Variants in SLC25A26 observed in about 807,000 individuals in gnomAD.
The protein encoded by SLC25A26 is solute carrier family 25 member 26.
A neutral mutation model predicts 37.8 loss-of-function variants in SLC25A26; 36 were observed. That is an observed-to-expected ratio of 0.95 (90% CI 0.73 to 1.26). The LOEUF is 1.26. SLC25A26 is among the 50% of genes most tolerant of loss of function. SLC25A26 has a pLI of 0.00. For missense variants in SLC25A26, 390 were observed against 331.1 expected, an observed-to-expected ratio of 1.18 and a Z score of -1.38; for synonymous variants, 129 against 122.5, an observed-to-expected ratio of 1.05 and a Z score of -0.35.
chr3:66,195,008 C>T lies in SLC25A26; in HGVS notation c.-353-25734C>T, dbSNP rs2071020946. On this transcript the variant is annotated intron_variant, in intron 1 of 10. Coordinates refer to the SLC25A26 transcript ENST00000676754. ...TGGTGGGGAAGGGAGGGAGGTGAAA[C>T]AGAGCTGTCTGCCCACCCCAATCCC... Among the ~76,000 whole-genome samples, 6 of 152,348 alleles carry T rather than the reference C, an allele frequency of 3.9e-5. No homozygotes were observed. The South Asian group carries it at 1.0e-3, about 26-fold the overall frequency.
At position 66,208,080 on chromosome 3, in the gene SLC25A26, A is replaced by G. The variant is rs931103786; in HGVS notation, c.-353-12662A>G. On this transcript the variant is annotated intron_variant, in intron 1 of 10. Coordinates refer to the SLC25A26 transcript ENST00000676754. ...TAAATTGCTACAGAAAAATGACTCC[A>G]TTTCCAAGCGATTAGTCAATGGTAT... Among the ~76,000 whole-genome samples, 34 of 152,304 alleles carry G rather than the reference A, an allele frequency of 2.2e-4. 1 individual carries two copies. In the East Asian group the frequency reaches 6.4e-3, roughly 29 times the overall value.
chr3:66,291,124 G>A (rs993489098), intron 5 of SLC25A26, among the ~76,000 whole-genome samples: 1 of 152,148 alleles, frequency 6.6e-6, no homozygotes, highest in African/African-American at 2.4e-5. Flanking sequence ...AGTATTCTCT[G>A]ATAGTAGTTT....
intron 6 of SLC25A26, among the ~76,000 whole-genome samples, chr3:66,348,633 A>C (rs1017507560): frequency 2.0e-5 from 3 of 152,242 alleles, no homozygotes. Flanking sequence ...TAAATTGTTG[A>C]GGTATATACT....
At chr3:66,270,672 A>G (rs1242969243) in intron 5 of SLC25A26, among the ~76,000 whole-genome samples, 1 of 152,238 alleles carries the variant, frequency 6.6e-6, no homozygotes, top group Non-Finnish European at 1.5e-5. Context: ...TGTTCTATGA[A>G]GAATGAATGC....
chr3:66,209,067 C>CAT (rs1313507882), intron 1 of SLC25A26, among the ~76,000 whole-genome samples: 665 of 44,540 alleles, frequency 0.015, 27 homozygotes, highest in African/African-American at 0.069. Flanking sequence ...TATATATATA[C>CAT]ACACACACAC....
chr3:66,154,540 C>CTTT (rs60639995), intron 1 of SLC25A26, among the ~76,000 whole-genome samples: 1 of 130,404 alleles, frequency 7.7e-6, no homozygotes, highest in Non-Finnish European at 1.6e-5. Flanking sequence ...TTCTTTTTTT[C>CTTT]TTTTTTTTTT....
At chr3:66,205,870 G>T (rs2071169907) in intron 1 of SLC25A26, among the ~76,000 whole-genome samples, 1 of 152,070 alleles carries the variant, frequency 6.6e-6, no homozygotes, top group Admixed American at 6.6e-5. Flanking sequence ...GAAGGACTTG[G>T]GTGCAGGTAG....
intron 5 of SLC25A26, among the ~76,000 whole-genome samples, chr3:66,291,182 G>T (rs891350980): frequency 2.0e-5 from 3 of 152,062 alleles, no homozygotes; most frequent in Admixed American, 1.3e-4. Context: ...ACTTTTTATT[G>T]TGTCTGTTTG....
intron 7 of SLC25A26, among the ~76,000 whole-genome samples, chr3:66,364,323 A>C (rs890675103): frequency 5.9e-5 from 9 of 152,198 alleles, no homozygotes; most frequent in Admixed American, 4.6e-4. Flanking sequence ...GGAACTTCCT[A>C]TCAGACATCC....
chr3:66,375,089 A>G (rs1169510314), intron 9 of SLC25A26, among the ~76,000 whole-genome samples: 1 of 152,190 alleles, frequency 6.6e-6, no homozygotes. Context: ...GCACATACGA[A>G]GAAAGTTTGG....
intron 1 of SLC25A26, among the ~76,000 whole-genome samples, chr3:66,170,428 C>A (rs2070479464): frequency 1.3e-5 from 2 of 152,174 alleles, no homozygotes; most frequent in Admixed American, 1.3e-4. Context: ...CTAATGCTCA[C>A]TGGACCTTAG....
At chr3:66,181,780 CTTTTTTT>C (rs922019884) in intron 1 of SLC25A26, among the ~76,000 whole-genome samples, 15 of 97,054 alleles carry the variant, frequency 1.5e-4, no homozygotes, top group South Asian at 7.9e-4. Context: ...CTCCCCTTGT[CTTTTTTT>C]TTTTTTTTTT....
intron 5 of SLC25A26, among the ~76,000 whole-genome samples, chr3:66,314,243 C>G (rs182220826): frequency 2.0e-5 from 3 of 152,036 alleles, no homozygotes; most frequent in Non-Finnish European, 2.9e-5. Context: ...CAGTATGATA[C>G]GGGCTGTGGG....
chr3:66,217,106 T>G (rs1481624114), upstream of SLC25A26, among the ~76,000 whole-genome samples: 1 of 152,230 alleles, frequency 6.6e-6, no homozygotes, highest in African/African-American at 2.4e-5. Context: ...CCCTCCAAGT[T>G]ACCAGAAAAT....
intron 1 of SLC25A26, among the ~76,000 whole-genome samples, chr3:66,145,424 G>A (rs781256674): frequency 2.6e-5 from 4 of 152,204 alleles, no homozygotes; most frequent in Non-Finnish European, 5.9e-5. Context: ...ATTTGTGGAA[G>A]TACCAACTGG....
chr3:66,351,440 C>T (rs949368085), intron 6 of SLC25A26, among the ~76,000 whole-genome samples: 5 of 152,074 alleles, frequency 3.3e-5, no homozygotes, highest in Non-Finnish European at 4.4e-5. Flanking sequence ...TTCTGGCAGC[C>T]CAACAAGAAG....
At chr3:66,205,346 G>A (rs2071162789) in intron 1 of SLC25A26, among the ~76,000 whole-genome samples, 1 of 152,174 alleles carries the variant, frequency 6.6e-6, no homozygotes, top group Non-Finnish European at 1.5e-5. Flanking sequence ...CTCTGGTTAG[G>A]AAGCAGATGC....
Position 66,262,146 on chromosome 3 carries a change from A to G in SLC25A26, c.396A>G (p.Leu132=). Residue 132 remains leucine (L), a synonymous_variant, in exon 4 of 10, where the codon TTA becomes TTG. Transcript: ENST00000354883. ...TRTFQIFSNI[L]YEEGIQGLYR... ...CATTTCAGATTTTCTCTAACATCTT[A>G]TATGAAGAGGTGAGATGGGTTTTTT... 1.9e-6 allele frequency: 3 copies of G among 1,540,010 alleles called. No individual in the cohort carries two copies. The highest frequency in any genetic ancestry group is 2.6e-6 in the Non-Finnish European group (3 of 1,133,368).
chr3:66,263,579 C>T lies in SLC25A26; in HGVS notation c.453+200C>T, dbSNP rs78662109. On this transcript the variant is annotated intron_variant, in intron 5 of 9. Transcript: ENST00000354883. ...GAGTAGAATGGGTTTGCCGGAAGAGCAATTTCAGTGGTCAGAATGACCCAT... is the reference window on the plus strand; with the variant it reads ...GAGTAGAATGGGTTTGCCGGAAGAGTAATTTCAGTGGTCAGAATGACCCAT... Among the ~76,000 whole-genome samples, 459 of 152,272 alleles carry T rather than the reference C, an allele frequency of 3.0e-3. 3 individuals are homozygous for T. The highest frequency in any genetic ancestry group is 0.017 in the East Asian group (86 of 5,174).
Sources: gnomAD v4.1 joint callset for allele counts (sites outside exome capture counted in the v4.1 genomes callset) on GRCh38, gnomAD v4.1.1 for gene constraint, MANE v1.5 for transcripts, NCBI Gene and HGNC (gene_info 2026-07-23, HGNC 2026-07-21) for gene names.